Variants in PROCA1 observed in about 807,000 individuals in gnomAD.
The protein encoded by PROCA1 is protein PROCA1.
Under a neutral mutation model 23.2 loss-of-function variants are expected in PROCA1, and 22 were observed. The observed-to-expected ratio is 0.95, with a 90% CI of 0.68 to 1.35. The LOEUF (loss-of-function observed/expected upper bound fraction) is 1.35, where lower values mean the gene tolerates loss of function less well. PROCA1 is among the 40% of genes most tolerant of loss of function. The pLI, the probability that PROCA1 is intolerant of heterozygous loss-of-function variation, is 0.00. For synonymous variants in PROCA1, 182 were observed against 179.2 expected (o/e 1.02, Z -0.12); for missense variants, 469 against 459.8 (o/e 1.02, Z -0.18).
rs756481029 is a variant in PROCA1 at position 28,703,926 on chromosome 17, C to T, written c.727G>A (p.Glu243Lys). 6.2e-6 allele frequency: 10 copies of T among 1,613,436 alleles called. No homozygotes were observed. Among genetic ancestry groups the T allele is most frequent in the Non-Finnish European group, 8.5e-6 (10 of 1,179,834 alleles). The change falls in exon 5 of 5, where the codon GAG becomes AAG. Residue 243 changes from glutamate to lysine, a missense_variant. Transcript: ENST00000682792. ...TCATCCATCTCCTCCTTGTCTTTCT[C>T]TTTTTCCTTTTTCTTCTTTACCTTC... ...IKKVKKKKEK[E>K]KDKEEMDEKA...
At chr17:28,706,521 G>T in intron 2 of PROCA1, 159 bp downstream of exon 2, 1 of 355,448 alleles carries the variant, frequency 2.8e-6, no homozygotes, top group South Asian at 2.2e-5. Flanking sequence ...TTGAGAAAGG[G>T]GTCCCCTCTG....
chr17:28,705,729 G>A (rs113287826), intron 2 of PROCA1: 79 of 152,666 alleles, frequency 5.2e-4, no homozygotes, highest in African/African-American at 1.6e-3. Context: ...CCTAAGGCCC[G>A]GCTGTCCCCT....
chr17:28,711,551 C>T lies in PROCA1; in HGVS notation c.91+19G>A. 1.2e-6 allele frequency: 2 copies of T among 1,601,170 alleles called. No homozygotes were observed. The highest frequency in any genetic ancestry group is 8.5e-7 in the Non-Finnish European group (1 of 1,174,610). ...GCCGGGCCGCGCCCTCTGCCCAGCC[C>T]CTGCCCCGCCCCTCTTACCGCGGCA... On this transcript the variant is annotated intron_variant, in intron 1 of 4. Transcript: ENST00000682792.
At chr17:28,708,656 G>GCGGGAGGATAGCTTGAGCC (rs2032634435) in intron 1 of PROCA1, among the ~76,000 whole-genome samples, 2 of 150,956 alleles carry the variant, frequency 1.3e-5, no homozygotes, top group Admixed American at 1.3e-4. Flanking sequence ...GAGGCAAGAG[G>GCGGGAGGATAGCTTGAGCC]CGGGAGGATA....
At chr17:28,708,867 C>T (rs1170444589) in intron 1 of PROCA1, among the ~76,000 whole-genome samples, 1 of 152,068 alleles carries the variant, frequency 6.6e-6, no homozygotes, top group Non-Finnish European at 1.5e-5. Context: ...TAGTGGTGCA[C>T]ACCTGTAGTC....
In PROCA1 at chr17:28,708,784, C is replaced by A. The variant is rs528731168; in HGVS notation, c.92-2021G>T. ...AGTCTGAGGCGGGAAGATCACAAGT[C>A]CAGGAGTTCGAGACCAGCCTGGGCA... On this transcript the variant is annotated intron_variant, in intron 1 of 4. Coordinates refer to ENST00000682792, the MANE Select transcript of PROCA1 (RefSeq NM_001366301.1). Among the ~76,000 whole-genome samples, 441 of 149,516 alleles carry A rather than the reference C, an allele frequency of 2.9e-3. 5 individuals carry two copies. The highest frequency in any genetic ancestry group is 0.025 in the South Asian group (116 of 4,678).
At position 28,711,744 on chromosome 17, in the gene PROCA1, A is replaced by G; in HGVS notation, c.-84T>C. 3 of 1,216,750 alleles carry G rather than the reference A, an allele frequency of 2.5e-6. No individual in the cohort carries two copies. Among genetic ancestry groups the G allele is most frequent in the Non-Finnish European group, 3.4e-6 (3 of 880,690 alleles). 75.4% of individuals were successfully genotyped at this position (1,216,750 alleles called of 1,614,324 possible). ...CTCAGCCCGGCCGAGCCCTCGGCCC[A>G]GCCGTGAACTCCAGTCTCGGCTTCG... On this transcript the variant is annotated 5_prime_UTR_variant, in exon 1 of 5. Coordinates refer to ENST00000682792, the MANE Select transcript of PROCA1 (RefSeq NM_001366301.1).
chr17:28,704,096 G>A lies in PROCA1; in HGVS notation c.557C>T (p.Pro186Leu), dbSNP rs754198104. 1.3e-6 allele frequency: 2 copies of A among 1,585,696 alleles called. No individual in the cohort carries two copies. Among genetic ancestry groups the A allele is most frequent in the South Asian group, 2.3e-5 (2 of 87,198 alleles). Residue 186 changes from proline (P) to leucine (L), a missense_variant, in exon 5 of 5, where the codon CCC becomes CTC. Pro to Leu is a moderately conservative substitution (Grantham distance 98). Coordinates refer to ENST00000682792, the MANE Select transcript of PROCA1 (RefSeq NM_001366301.1). ...EEEEEEESKP[P>L]IPTQVGPATA... is the part of the protein sequence containing the mutation. ...GGCGGGCCCCACCTGTGTCGGGATG[G>A]GGGGCTTGCTTTCCTCCTCCTCCTC... is the stretch of plus-strand genomic sequence containing the variant.
At chr17:28,704,519 G>A (rs554922028) in intron 3 of PROCA1, 84 bp from the exon 4 acceptor site, 55 of 1,555,336 alleles carry the variant, frequency 3.5e-5, no homozygotes, top group African/African-American at 8.1e-5. Flanking sequence ...GTGGGCTTCC[G>A]CTGGGCCTGC....
At chr17:28,704,513 G>C (rs1298897666) in intron 3 of PROCA1, 78 bp from the exon 4 acceptor site, 1 of 1,559,860 alleles carries the variant, frequency 6.4e-7, no homozygotes, top group Non-Finnish European at 8.7e-7. Flanking sequence ...GGGACAGTGG[G>C]CTTCCGCTGG....
At chr17:28,711,240 T>C (rs1007240830) in intron 1 of PROCA1, 3 of 937,666 alleles carry the variant, frequency 3.2e-6, no homozygotes, top group Non-Finnish European at 4.2e-6. Context: ...AGGCCGGCGC[T>C]TCAAGGGCAG....
At chr17:28,711,045 A>G in intron 1 of PROCA1, 1 of 1,163,512 alleles carries the variant, frequency 8.6e-7, no homozygotes, top group Admixed American at 3.5e-5. Context: ...AGGGAAGAGG[A>G]GGAAGCAAGG....
chr17:28,706,619 G>A, intron 2 of PROCA1, 61 bp downstream of exon 2: 1 of 1,190,336 alleles, frequency 8.4e-7, no homozygotes, highest in Non-Finnish European at 1.1e-6. Context: ...TCCACCAGGT[G>A]TCAGCTTTCC....
At position 28,703,826 on chromosome 17, in the gene PROCA1, G is replaced by T. The variant is rs1220866614; in HGVS notation, c.827C>A (p.Ser276Tyr). 1.2e-6 allele frequency: 2 copies of T among 1,614,104 alleles called. No homozygotes were observed. Among genetic ancestry groups the T allele is most frequent in the African/African-American group, 1.3e-5 (1 of 74,934 alleles). The change falls in exon 5 of 5, where the codon TCC becomes TAC. Residue 276 changes from serine (S) to tyrosine (Y), a missense_variant. Transcript: ENST00000682792. ...TAATGATCGGCTCACGTCTGGCGGG[G>T]AAGGCTCCAATTTAACCGGGCTTTT... ...KKKSPVKLEP[S>Y]PPDVSRSLSA...
chr17:28,711,537 C>A (rs377589668), intron 1 of PROCA1, 33 bp downstream of exon 1: 20 of 1,562,862 alleles, frequency 1.3e-5, no homozygotes, highest in Admixed American at 1.1e-4. Flanking sequence ...CCGGGCCGCG[C>A]CCTCTGCCCA....
intron 1 of PROCA1, among the ~76,000 whole-genome samples, chr17:28,709,252 T>G (rs1017514821): frequency 6.6e-6 from 1 of 152,000 alleles, no homozygotes; most frequent in African/African-American, 2.4e-5. Flanking sequence ...AGCCTTTTTT[T>G]TTGTTTTGTT....
chr17:28,711,419 G>T, intron 1 of PROCA1, 151 bp downstream of exon 1: 2 of 659,804 alleles, frequency 3.0e-6, no homozygotes, highest in Non-Finnish European at 4.8e-6. Flanking sequence ...CTCCGCCCCG[G>T]CCCTAGCTCC....
rs115109020 is a variant in PROCA1 at position 28,703,347 on chromosome 17, A to G, written c.*211T>C. 1.2e-3 allele frequency: 727 copies of G among 585,064 alleles called. 5 individuals are homozygous for G. The highest frequency in any genetic ancestry group is 0.012 in the African/African-American group (658 of 53,686). 36.2% of individuals were successfully genotyped at this position (585,064 alleles called of 1,614,324 possible). A position where few individuals can be genotyped will look rare whatever the true frequency, so the allele number is the denominator to read the frequency against. On this transcript the variant is annotated 3_prime_UTR_variant, in exon 5 of 5. Transcript: ENST00000682792. Reference sequence around the variant, plus strand: ...ACTCTTCCACCTTGTCCTAGCAGGTAGGAAGAAATAGGGCTGTGCCCCTTC... The same window carrying G: ...ACTCTTCCACCTTGTCCTAGCAGGTGGGAAGAAATAGGGCTGTGCCCCTTC...
At chr17:28,708,029 A>C (rs1412698574) in intron 1 of PROCA1, 2 of 152,174 alleles carry the variant, frequency 1.3e-5, no homozygotes, top group Non-Finnish European at 2.9e-5. Flanking sequence ...TTTTGTTTTG[A>C]GATTGAGTCT....
Sources: allele counts gnomAD v4.1 joint callset (sites outside exome capture counted in the v4.1 genomes callset), GRCh38; gene constraint gnomAD v4.1.1; transcripts MANE v1.5; gene names NCBI Gene and HGNC (gene_info 2026-07-23, HGNC 2026-07-21).